COL4A3: variants seen among roughly 807,000 people sequenced by gnomAD.
The protein encoded by COL4A3 is collagen alpha-3(IV) chain.
Under a neutral mutation model 217.4 loss-of-function variants are expected in COL4A3, and 135 were observed. The ratio of observed to expected loss-of-function variants is 0.62; its 90% CI spans 0.54 to 0.72. COL4A3 has a LOEUF of 0.72. COL4A3 is among the 30% of genes least tolerant of loss of function. The pLI, the probability that COL4A3 is intolerant of heterozygous loss-of-function variation, is 0.00. For missense variants in COL4A3, 1,868 were observed against 2,119.9 expected, an observed-to-expected ratio of 0.88 and a Z score of 2.33; for synonymous variants, 690 against 736.3, an observed-to-expected ratio of 0.94 and a Z score of 1.02.
At chr2:227,190,650 A>G (rs1426937568) in intron 1 of COL4A3, among the ~76,000 whole-genome samples, 1 of 152,236 alleles carries the variant, frequency 6.6e-6, no homozygotes, top group Non-Finnish European at 1.5e-5. Context: ...TCGTGGCTCT[A>G]ATCCCAGCAC....
intron 43 of COL4A3, among the ~76,000 whole-genome samples, chr2:227,302,587 C>T (rs1260167242): frequency 7.0e-6 from 1 of 141,912 alleles, no homozygotes; most frequent in Non-Finnish European, 1.5e-5. Flanking sequence ...TGAGGCATGA[C>T]AATTACTTGA....
intron 1 of COL4A3, among the ~76,000 whole-genome samples, chr2:227,172,581 C>CTTTTTTTTTTTTT (rs11315628): frequency 8.2e-5 from 6 of 73,588 alleles, no homozygotes; most frequent in African/African-American, 1.1e-4. Flanking sequence ...TCGTCTTCTT[C>CTTTTTTTTTTTTT]TTTTTTTTTT....
chr2:227,201,668 T>G (rs2066691528), intron 1 of COL4A3, among the ~76,000 whole-genome samples: 1 of 152,168 alleles, frequency 6.6e-6, no homozygotes, highest in Admixed American at 6.5e-5. Context: ...TAGACACCAA[T>G]CAGAAACTAC....
At chr2:227,228,849 T>C (rs1300510862) in intron 1 of COL4A3, among the ~76,000 whole-genome samples, 1 of 152,172 alleles carries the variant, frequency 6.6e-6, no homozygotes, top group Admixed American at 6.5e-5. Context: ...ACCTGCAGTT[T>C]AGGGAAAGTG....
chr2:227,229,489 C>T (rs2068272139), intron 1 of COL4A3, among the ~76,000 whole-genome samples: 1 of 152,178 alleles, frequency 6.6e-6, no homozygotes, highest in Non-Finnish European at 1.5e-5. Flanking sequence ...AACACCAGTT[C>T]TTTGGCACTG....
rs540324306 is a variant in COL4A3 at position 227,171,903 on chromosome 2, C to T, written c.87+7090C>T. ...TCACCTTTAACTTAGGGTTTTTATA[C>T]GTTGGCATACTTCTGGGGTCTAGGG... On this transcript the variant is annotated intron_variant, in intron 1 of 51. Coordinates refer to ENST00000396578, the MANE Select transcript of COL4A3 (RefSeq NM_000091.5). Among the ~76,000 whole-genome samples the T allele has an allele frequency of 3.9e-5, 6 of 152,294 alleles. No homozygotes were observed. In the South Asian group the frequency reaches 8.3e-4, roughly 21 times the overall value.
intron 9 of COL4A3, among the ~76,000 whole-genome samples, chr2:227,248,809 G>A (rs2069520293): frequency 6.6e-6 from 1 of 152,032 alleles, no homozygotes. Context: ...GAATCTAACA[G>A]GAATAGTTAT....
rs55902093 is a variant in COL4A3 at position 227,202,804 on chromosome 2, T to C, written c.88-35164T>C. ...TATATACACATGTGTATATATATAA[T>C]ATGTGTATATATACATATATGTGTA... On this transcript the variant is annotated intron_variant, in intron 1 of 51. Transcript: ENST00000396578. Among the ~76,000 whole-genome samples, 107 of 124,526 alleles carry C rather than the reference T, an allele frequency of 8.6e-4. 9 individuals carry two copies. Among genetic ancestry groups the C allele is most frequent in the Admixed American group, 1.9e-3 (22 of 11,832 alleles). The allele number at this position is 124,526 out of a possible 152,430, so 81.7% of individuals were successfully genotyped here. A position where few individuals can be genotyped will look rare whatever the true frequency, so the allele number is the denominator to read the frequency against.
At chr2:227,265,215 TAGA>T (rs1158985547) in intron 21 of COL4A3, 1 of 152,234 alleles carries the variant, frequency 6.6e-6, no homozygotes, top group African/African-American at 2.4e-5. Context: ...TGTATGAATG[TAGA>T]AGTATTCATA....
intron 34 of COL4A3, among the ~76,000 whole-genome samples, chr2:227,288,683 T>C (rs1490439444): frequency 2.0e-5 from 3 of 152,258 alleles, no homozygotes; most frequent in Non-Finnish European, 4.4e-5. Context: ...AGGCTGCTAA[T>C]TCTTAAAATG....
At chr2:227,178,718 T>C (rs138891202) in intron 1 of COL4A3, among the ~76,000 whole-genome samples, 2,548 of 151,904 alleles carry the variant, frequency 0.017, 83 homozygotes, top group African/African-American at 0.058. Flanking sequence ...TTTGTTTTTT[T>C]TTTGTATTTT....
chr2:227,243,806 C>T (rs761684685), intron 3 of COL4A3, among the ~76,000 whole-genome samples: 8 of 152,182 alleles, frequency 5.3e-5, no homozygotes, highest in Non-Finnish European at 1.2e-4. Context: ...CCTTACTTGG[C>T]TATATATTTC....
At chr2:227,296,161 G>C (rs1052429371) in intron 41 of COL4A3, 2 of 152,232 alleles carry the variant, frequency 1.3e-5, no homozygotes, top group African/African-American at 4.8e-5. Context: ...AAGTAGACAA[G>C]AGCTGTTCTC....
rs191829138 is a variant in COL4A3, at chr2:227,290,877, G to C, written c.3201G>C (p.Pro1067=). The C allele has an allele frequency of 1.2e-6, 2 of 1,611,916 alleles. No homozygotes were observed. Among genetic ancestry groups the C allele is most frequent in the Non-Finnish European group, 1.7e-6 (2 of 1,179,536 alleles). ...CAGAAGGTACAAGGCCAGGACCACC[G>C]GGACCAACGGTATATAGGCCACTGA... ...GYSEGTRPGP[P]GPTGDPGLPG... is the part of the protein sequence containing the mutation. The change falls in exon 37 of 52, where the codon CCG becomes CCC. Residue 1067 remains proline (P), a synonymous_variant. Coordinates refer to ENST00000396578, the MANE Select transcript of COL4A3 (RefSeq NM_000091.5).
At chr2:227,290,707 TG>T (rs2072641515) in intron 36 of COL4A3, 39 bp from the exon 37 acceptor site, 1 of 1,600,166 alleles carries the variant, frequency 6.2e-7, no homozygotes, top group Admixed American at 1.7e-5. Flanking sequence ...AAGATCCTCA[TG>T]TTTATCTATT....
intron 1 of COL4A3, among the ~76,000 whole-genome samples, chr2:227,178,776 C>T (rs1194705511): frequency 6.6e-6 from 1 of 151,840 alleles, no homozygotes; most frequent in Non-Finnish European, 1.5e-5. Context: ...TGTTGAACTC[C>T]CAACCTCAGG....
At chr2:227,197,082 A>G (rs1026306875) in intron 1 of COL4A3, among the ~76,000 whole-genome samples, 40 of 145,324 alleles carry the variant, frequency 2.8e-4, no homozygotes, top group African/African-American at 5.1e-4. Context: ...GCTGCCATGT[A>G]AGATGTGCCT....
At chr2:227,237,692 A>G (rs947130665) in intron 1 of COL4A3, 3 of 329,582 alleles carry the variant, frequency 9.1e-6, no homozygotes, top group African/African-American at 6.4e-5. Context: ...AATGGCAAAA[A>G]CGGCCATTAC....
intron 1 of COL4A3, among the ~76,000 whole-genome samples, chr2:227,225,675 C>G (rs1166250685): frequency 6.7e-6 from 1 of 149,142 alleles, no homozygotes; most frequent in Non-Finnish European, 1.5e-5. Context: ...AGCTTTTTAT[C>G]AAGTTCCCAT....
Sources: gnomAD v4.1 joint callset for allele counts (sites outside exome capture counted in the v4.1 genomes callset) on GRCh38, gnomAD v4.1.1 for gene constraint, MANE v1.5 for transcripts, NCBI Gene and HGNC (gene_info 2026-07-23, HGNC 2026-07-21) for gene names.